Variants in PSMA1 observed in about 807,000 individuals in gnomAD.
PSMA1 encodes the protein proteasome subunit alpha type-1.
Under a neutral mutation model 38.4 loss-of-function variants are expected in PSMA1, and 3 were observed. The observed-to-expected ratio is 0.08, with a 90% CI of 0.04 to 0.20. PSMA1 has a LOEUF of 0.20. Among genes scored for constraint, PSMA1 ranks in the 10% least tolerant of loss-of-function variants. The pLI is 1.00. For synonymous variants in PSMA1, 101 were observed against 107.1 expected (o/e 0.94, Z 0.35); for missense variants, 227 against 325.3 (o/e 0.70, Z 2.32).
intron 2 of PSMA1, among the ~76,000 whole-genome samples, chr11:14,528,542 C>T (rs1589983898): frequency 6.6e-6 from 1 of 152,198 alleles, no homozygotes; most frequent in East Asian, 1.9e-4. Context: ...CCCATTATCT[C>T]TCCATACCAC....
At chr11:14,617,687 A>ATATATACG in intron 1 of PSMA1, among the ~76,000 whole-genome samples, 1 of 116,792 alleles carries the variant, frequency 8.6e-6, no homozygotes. Flanking sequence ...ATATATACGT[A>ATATATACG]TATATATATA....
At chr11:14,617,567 T>A (rs972155322) in intron 1 of PSMA1, among the ~76,000 whole-genome samples, 1 of 152,110 alleles carries the variant, frequency 6.6e-6, no homozygotes, top group African/African-American at 2.4e-5. Flanking sequence ...TAATACACAC[T>A]AAGACTGTTA....
chr11:14,510,201 T>C (rs904928695), intron 8 of PSMA1, among the ~76,000 whole-genome samples: 4 of 152,174 alleles, frequency 2.6e-5, no homozygotes, highest in African/African-American at 9.7e-5. Flanking sequence ...CTCTCGATGA[T>C]TGACCTCAAC....
At chr11:14,632,337 C>T (rs1853031082) in intron 1 of PSMA1, among the ~76,000 whole-genome samples, 1 of 148,728 alleles carries the variant, frequency 6.7e-6, no homozygotes, top group African/African-American at 2.5e-5. Flanking sequence ...GTGCTTCCTT[C>T]AGGAGCTCTT....
chr11:14,566,185 A>G (rs1018038327), intron 2 of PSMA1, among the ~76,000 whole-genome samples: 4 of 152,194 alleles, frequency 2.6e-5, no homozygotes, highest in Admixed American at 2.6e-4. Context: ...TGTGAAACAA[A>G]GGAATGACAT....
At chr11:14,517,618 T>C (rs1173536679) in intron 4 of PSMA1, 24 bp downstream of exon 4, 2 of 1,483,876 alleles carry the variant, frequency 1.3e-6, no homozygotes, top group Non-Finnish European at 1.8e-6. Context: ...AAAAAGGATG[T>C]TTATTTTTCA....
intron 2 of PSMA1, among the ~76,000 whole-genome samples, chr11:14,563,443 G>A (rs1465923297): frequency 6.6e-6 from 1 of 152,110 alleles, no homozygotes; most frequent in Non-Finnish European, 1.5e-5. Flanking sequence ...ACCCCCTAAT[G>A]GCACAGGCAG....
chr11:14,533,257 A>G (rs1278414894), intron 2 of PSMA1, among the ~76,000 whole-genome samples: 1 of 152,222 alleles, frequency 6.6e-6, no homozygotes, highest in Non-Finnish European at 1.5e-5. Flanking sequence ...GGCTTGAATT[A>G]TTATAGAAGT....
At chr11:14,525,587 A>G (rs553760223) in intron 2 of PSMA1, among the ~76,000 whole-genome samples, 7 of 152,318 alleles carry the variant, frequency 4.6e-5, no homozygotes, top group African/African-American at 1.7e-4. Context: ...CTTACAGGTT[A>G]GTTCAGGATC....
chr11:14,617,652 T>C (rs1852790572), intron 1 of PSMA1, among the ~76,000 whole-genome samples: 1 of 150,786 alleles, frequency 6.6e-6, no homozygotes, highest in Admixed American at 6.6e-5. Flanking sequence ...TTATTGTCCT[T>C]TTTTTTTGAA....
At chr11:14,574,664 G>A (rs939412523) in intron 2 of PSMA1, among the ~76,000 whole-genome samples, 6 of 152,050 alleles carry the variant, frequency 3.9e-5, no homozygotes, top group Non-Finnish European at 1.5e-5. Context: ...TTTATAAGGG[G>A]CTTTTCCTGC....
At chr11:14,538,357 C>T (rs971162511) in intron 2 of PSMA1, among the ~76,000 whole-genome samples, 2 of 152,156 alleles carry the variant, frequency 1.3e-5, no homozygotes, top group African/African-American at 4.8e-5. Context: ...TTTTCCCAGG[C>T]TGGACTCGAT....
chr11:14,631,484 G>A (rs1321256509), intron 1 of PSMA1, among the ~76,000 whole-genome samples: 3 of 152,076 alleles, frequency 2.0e-5, no homozygotes, highest in Admixed American at 6.5e-5. Context: ...TTTTGAGTGA[G>A]ATTCTTAATC....
intron 2 of PSMA1, among the ~76,000 whole-genome samples, chr11:14,562,761 C>A (rs1852024849): frequency 6.6e-6 from 1 of 151,718 alleles, no homozygotes; most frequent in South Asian, 2.1e-4. Context: ...AGTAGCCCGG[C>A]TAATTTTTGT....
chr11:14,641,587 T>C (rs1264296660), intron 1 of PSMA1, among the ~76,000 whole-genome samples: 3 of 152,218 alleles, frequency 2.0e-5, no homozygotes, highest in African/African-American at 4.8e-5. Context: ...CTATGGGTTA[T>C]TGAAAGAGTT....
chr11:14,602,010 G>A (rs779601717), intron 2 of PSMA1, among the ~76,000 whole-genome samples: 1 of 152,102 alleles, frequency 6.6e-6, no homozygotes, highest in Non-Finnish European at 1.5e-5. Context: ...TTTACATAGA[G>A]CCCTCATTGG....
intron 2 of PSMA1, among the ~76,000 whole-genome samples, chr11:14,610,021 G>A (rs1852691736): frequency 6.6e-6 from 1 of 152,136 alleles, no homozygotes; most frequent in Non-Finnish European, 1.5e-5. Flanking sequence ...ACAGTTTGGT[G>A]GCAGTCACAG....
At position 14,509,849 on chromosome 11, in the gene PSMA1, G is replaced by A. The variant is rs764685269; in HGVS notation, c.624+1023C>T. Among the ~76,000 whole-genome samples the A allele has an allele frequency of 4.0e-5, 6 of 150,006 alleles. No homozygotes were observed. The East Asian group carries it at 6.0e-4, about 15-fold the overall frequency. ...CGCCATTCTCCTGCCTCAGCCTCCC[G>A]AGTAGCTGGGACTACAGGCGCCTGC... On this transcript the variant is annotated intron_variant, in intron 8 of 9. Coordinates refer to ENST00000396394, the MANE Select transcript of PSMA1 (RefSeq NM_002786.4).
intron 9 of PSMA1, 54 bp from the exon 10 acceptor site, chr11:14,505,302 A>G (rs1851227874): frequency 1.5e-6 from 2 of 1,365,038 alleles, no homozygotes; most frequent in East Asian, 4.6e-5. Flanking sequence ...TGATCAATAT[A>G]CACATCTAAT....
Sources: allele counts gnomAD v4.1 joint callset (sites outside exome capture counted in the v4.1 genomes callset), GRCh38; gene constraint gnomAD v4.1.1; transcripts MANE v1.5; gene names NCBI Gene and HGNC (gene_info 2026-07-23, HGNC 2026-07-21).